Variants in MAML3 observed in about 807,000 individuals in gnomAD.
MAML3 encodes the protein mastermind-like protein 3.
MAML3 carries 27 observed loss-of-function variants against 101.9 expected under a neutral mutation model. That is an observed-to-expected ratio of 0.27 (90% CI 0.20 to 0.37). The LOEUF (loss-of-function observed/expected upper bound fraction) is 0.37. Ranked by LOEUF, MAML3 falls within the 10% of genes least tolerant of loss-of-function variation. The pLI, the probability that MAML3 is intolerant of heterozygous loss-of-function variation, is 1.00. For missense variants in MAML3, 1,316 were observed against 1,444.9 expected, an observed-to-expected ratio of 0.91 and a Z score of 1.45; for synonymous variants, 501 against 555.9, an observed-to-expected ratio of 0.90 and a Z score of 1.39.
chr4:140,134,918 G>T (rs896564386), intron 1 of MAML3, among the ~76,000 whole-genome samples: 1 of 152,182 alleles, frequency 6.6e-6, no homozygotes, highest in Non-Finnish European at 1.5e-5. Flanking sequence ...TCTGAGCCTC[G>T]CCTTCTGCTG....
chr4:140,152,790 C>G, intron 1 of MAML3, 70 bp downstream of exon 1: 3 of 1,557,960 alleles, frequency 1.9e-6, no homozygotes, highest in South Asian at 2.5e-5. Context: ...ATGTAAGAAG[C>G]TCCACGCGCC....
chr4:139,720,258 G>A lies in MAML3; in HGVS notation c.2482C>T (p.Leu828=). Residue 828 remains leucine (L), a synonymous_variant, in exon 5 of 5, where the codon CTG becomes TTG. Transcript: ENST00000509479. ...AALQSMRTSR[L]MAQNAGMMGI... is the part of the protein sequence containing the mutation. ...ATCATGCCTGCGTTCTGTGCCATCAGCCGTGACGTTCGCATGCTCTGGAGG... is the reference window on the plus strand; with the variant it reads ...ATCATGCCTGCGTTCTGTGCCATCAACCGTGACGTTCGCATGCTCTGGAGG... The A allele has an allele frequency of 1.9e-6, 3 of 1,596,272 alleles. No homozygotes were observed. The highest frequency in any genetic ancestry group is 2.6e-6 in the Non-Finnish European group (3 of 1,168,778).
At chr4:139,884,005 C>A (rs1228508480) in intron 2 of MAML3, among the ~76,000 whole-genome samples, 1 of 151,066 alleles carries the variant, frequency 6.6e-6, no homozygotes, top group African/African-American at 2.4e-5. Context: ...CCTCAGACTC[C>A]CAATTAGCTG....
At chr4:139,773,417 G>A (rs1471532535) in intron 2 of MAML3, among the ~76,000 whole-genome samples, 1 of 152,152 alleles carries the variant, frequency 6.6e-6, no homozygotes, top group Admixed American at 6.5e-5. Flanking sequence ...AATGCCCAGG[G>A]AAATACAATT....
chr4:139,902,261 A>C (rs1450833036), intron 1 of MAML3, among the ~76,000 whole-genome samples: 1 of 70,658 alleles, frequency 1.4e-5, no homozygotes. Flanking sequence ...ACGCACACAC[A>C]CGCACACACA....
At chr4:139,964,402 A>C (rs1469348161) in intron 1 of MAML3, among the ~76,000 whole-genome samples, 2 of 152,282 alleles carry the variant, frequency 1.3e-5, no homozygotes, top group Non-Finnish European at 2.9e-5. Context: ...GAACACATAG[A>C]CACAAAGAGG....
In MAML3 at chr4:139,774,060, T is replaced by C. The variant is rs538936691; in HGVS notation, c.2080-43393A>G. Among the ~76,000 whole-genome samples, 3 of 152,286 alleles carry C rather than the reference T, an allele frequency of 2.0e-5. No homozygotes were observed. In the East Asian group the frequency reaches 5.8e-4, roughly 29 times the overall value. ...TGCAGCAGGCCGTGTGAGCTTCATC[T>C]TTACAAACAAGGACAAGAGATGTGC... is the stretch of plus-strand genomic sequence containing the variant. On this transcript the variant is annotated intron_variant, in intron 2 of 4. Coordinates refer to ENST00000509479, the MANE Select transcript of MAML3 (RefSeq NM_018717.5).
chr4:140,135,262 T>C (rs768057479), intron 1 of MAML3, among the ~76,000 whole-genome samples: 1 of 152,266 alleles, frequency 6.6e-6, no homozygotes, highest in Non-Finnish European at 1.5e-5. Context: ...ATCTCCTTTC[T>C]AGCAGCAACC....
intron 1 of MAML3, among the ~76,000 whole-genome samples, chr4:140,098,985 T>C (rs1728209916): frequency 6.6e-6 from 1 of 152,200 alleles, no homozygotes; most frequent in Non-Finnish European, 1.5e-5. Flanking sequence ...CAGCCCTCCC[T>C]TGATGTCTCG....
At chr4:139,929,552 T>C (rs1434020816) in intron 1 of MAML3, among the ~76,000 whole-genome samples, 1 of 152,206 alleles carries the variant, frequency 6.6e-6, no homozygotes, top group Non-Finnish European at 1.5e-5. Context: ...ACTATTCAGA[T>C]GCAGTTTATT....
chr4:139,885,465 A>C (rs772542348), intron 2 of MAML3, among the ~76,000 whole-genome samples: 29 of 152,122 alleles, frequency 1.9e-4, no homozygotes, highest in Non-Finnish European at 3.8e-4. Context: ...CCCTGACTTG[A>C]TCATTACATA....
rs978574321 is a variant in MAML3, at chr4:139,719,776, G to A, written c.2964C>T (p.Tyr988=). The A allele has an allele frequency of 2.0e-5, 33 of 1,613,540 alleles. No homozygotes were observed. Among genetic ancestry groups the A allele is most frequent in the African/African-American group, 2.7e-5 (2 of 74,960 alleles). ...GTCTCGGCTGCCCAGCTTGAAGAGG[G>A]TAGCTGGCGCCATTGTTGAATGGTC... ...ELGPFNNGAS[Y]PLQAGQPRLT... The change falls in exon 5 of 5, where the codon TAC becomes TAT. Residue 988 remains tyrosine (Y), a synonymous_variant. Transcript: ENST00000509479.
At chr4:140,107,301 G>A (rs754824141) in intron 1 of MAML3, among the ~76,000 whole-genome samples, 6 of 152,204 alleles carry the variant, frequency 3.9e-5, no homozygotes, top group Admixed American at 3.3e-4. Context: ...ATTGGTCAGC[G>A]GTTAACACAG....
intron 1 of MAML3, among the ~76,000 whole-genome samples, chr4:140,149,896 A>C (rs1243057824): frequency 1.3e-5 from 2 of 150,932 alleles, no homozygotes; most frequent in African/African-American, 4.9e-5. Flanking sequence ...CTTTTAAACT[A>C]ATTATTTTAA....
intron 2 of MAML3, among the ~76,000 whole-genome samples, chr4:139,878,146 T>C (rs925909280): frequency 1.4e-4 from 22 of 152,184 alleles, no homozygotes; most frequent in African/African-American, 5.3e-4. Flanking sequence ...CTGGCTATAA[T>C]CTAAGTTGGC....
intron 1 of MAML3, among the ~76,000 whole-genome samples, chr4:140,129,074 A>G (rs111780306): frequency 2.6e-5 from 4 of 152,074 alleles, no homozygotes; most frequent in Non-Finnish European, 5.9e-5. Context: ...TGACAAATCA[A>G]CAAAACTCTC....
rs893249773 is a variant in MAML3, at chr4:139,717,021, C to CTAT, written c.*2299_*2301dup. On this transcript the variant is annotated 3_prime_UTR_variant, in exon 5 of 5. Coordinates refer to ENST00000509479, the MANE Select transcript of MAML3 (RefSeq NM_018717.5). The stretch of plus-strand genomic sequence containing the variant: ...AGTTAAGGAATGAAATAAAAATACT[C>CTAT]TATTTTAAACAAACAGTATATATAT... The CTAT allele has an allele frequency of 1.3e-5, 2 of 152,468 alleles. No homozygotes were observed. Among genetic ancestry groups the CTAT allele is most frequent in the African/African-American group, 2.4e-5 (1 of 41,420 alleles). The allele number at this position is 152,468 out of a possible 1,614,324, so 9.4% of individuals were successfully genotyped here. A position where few individuals can be genotyped will look rare whatever the true frequency, so the allele number is the denominator to read the frequency against.
At chr4:139,915,370 T>C (rs1023845713) in intron 1 of MAML3, among the ~76,000 whole-genome samples, 1 of 151,968 alleles carries the variant, frequency 6.6e-6, no homozygotes, top group African/African-American at 2.4e-5. Context: ...AGTTTCCTTA[T>C]TAGCAAAGGG....
Position 139,730,608 on chromosome 4 carries a change from T to G in MAML3, c.2139A>C (p.Pro713=), listed in dbSNP as rs1185073625. The change falls in exon 3 of 5, where the codon CCA becomes CCC. Residue 713 remains proline, a synonymous_variant. Coordinates refer to ENST00000509479, the MANE Select transcript of MAML3 (RefSeq NM_018717.5). ...TTGPMQSSVP[P]GSGGMVSGAS... is the part of the protein sequence containing the mutation. Reference sequence around the variant, plus strand: ...CTCCTGAGACCATGCCACCTGAGCCTGGGGGCACGGAGGACTGCATGGGGC... The same window carrying G: ...CTCCTGAGACCATGCCACCTGAGCCGGGGGGCACGGAGGACTGCATGGGGC... The G allele has an allele frequency of 1.2e-6, 2 of 1,612,338 alleles. No individual in the cohort carries two copies. Among genetic ancestry groups the G allele is most frequent in the Non-Finnish European group, 1.7e-6 (2 of 1,179,396 alleles).
Sources: gnomAD v4.1 joint callset for allele counts (sites outside exome capture counted in the v4.1 genomes callset) on GRCh38, gnomAD v4.1.1 for gene constraint, MANE v1.5 for transcripts, NCBI Gene and HGNC (gene_info 2026-07-23, HGNC 2026-07-21) for gene names.